Variants in COL19A1 observed in about 807,000 individuals in gnomAD.
COL19A1 encodes the protein collagen type XIX alpha 1 chain.
COL19A1 carries 159 observed loss-of-function variants against 190.2 expected under a neutral mutation model. The ratio of observed to expected loss-of-function variants is 0.84; its 90% CI spans 0.73 to 0.95. The LOEUF is 0.95. Ranked by LOEUF, COL19A1 falls within the 40% of genes least tolerant of loss-of-function variation. The probability of loss-of-function intolerance (pLI) is 0.00; values close to 1 mark genes in which losing one functional copy is unlikely to be tolerated. For missense variants in COL19A1, 1,418 were observed against 1,431.9 expected (o/e 0.99, Z 0.16); for synonymous variants, 509 against 458.9 (o/e 1.11, Z -1.39).
intron 16 of COL19A1, among the ~76,000 whole-genome samples, chr6:70,111,387 G>T (rs546171357): frequency 6.6e-6 from 1 of 152,248 alleles, no homozygotes; most frequent in African/African-American, 2.4e-5. Flanking sequence ...CAGAAAATAA[G>T]ATTTGAAGGG....
At chr6:70,151,471 A>G in intron 31 of COL19A1, 33 bp downstream of exon 31, 1 of 1,600,524 alleles carries the variant, frequency 6.2e-7, no homozygotes, top group Non-Finnish European at 8.5e-7. Context: ...ATTATGTGTT[A>G]ATTTCCAGGA....
At chr6:70,065,529 A>G (rs1781127392) in intron 14 of COL19A1, among the ~76,000 whole-genome samples, 1 of 152,214 alleles carries the variant, frequency 6.6e-6, no homozygotes. Flanking sequence ...AGGCAATACC[A>G]TTCAGGATAT....
intron 11 of COL19A1, among the ~76,000 whole-genome samples, chr6:69,965,448 A>C (rs1480594385): frequency 6.6e-6 from 1 of 152,236 alleles, no homozygotes; most frequent in Non-Finnish European, 1.5e-5. Flanking sequence ...ACTAGCTTTC[A>C]GGCCAACCGA....
At chr6:69,917,566 A>G (rs539142317) in intron 4 of COL19A1, among the ~76,000 whole-genome samples, 78 of 152,302 alleles carry the variant, frequency 5.1e-4, no homozygotes, top group African/African-American at 1.8e-3. Context: ...AAATATGTAA[A>G]CCAATAATTC....
chr6:70,073,964 G>A (rs1781705937), intron 15 of COL19A1, among the ~76,000 whole-genome samples: 1 of 152,014 alleles, frequency 6.6e-6, no homozygotes, highest in Admixed American at 6.6e-5. Context: ...TAAGTACTGG[G>A]GTATATTGAT....
intron 41 of COL19A1, among the ~76,000 whole-genome samples, chr6:70,174,872 A>C (rs1765712918): frequency 6.6e-6 from 1 of 152,224 alleles, no homozygotes; most frequent in African/African-American, 2.4e-5. Flanking sequence ...AGAGTGAATT[A>C]GAATGATGTG....
At chr6:70,126,213 A>G (rs775295657) in intron 17 of COL19A1, among the ~76,000 whole-genome samples, 1 of 152,100 alleles carries the variant, frequency 6.6e-6, no homozygotes, top group Non-Finnish European at 1.5e-5. Flanking sequence ...ATATTAAATC[A>G]TAACTTCACT....
intron 18 of COL19A1, among the ~76,000 whole-genome samples, chr6:70,134,465 G>T (rs754063337): frequency 6.6e-6 from 1 of 152,106 alleles, no homozygotes; most frequent in Non-Finnish European, 1.5e-5. Context: ...GCTTCAAAAG[G>T]CACATTGAAT....
At chr6:70,162,555 C>T (rs1413299086) in intron 35 of COL19A1, among the ~76,000 whole-genome samples, 1 of 152,110 alleles carries the variant, frequency 6.6e-6, no homozygotes, top group Non-Finnish European at 1.5e-5. Context: ...ATAGTGCATG[C>T]AGTTAAATTT....
chr6:70,096,564 C>A (rs1178248531), intron 15 of COL19A1, among the ~76,000 whole-genome samples: 1 of 152,084 alleles, frequency 6.6e-6, no homozygotes, highest in Non-Finnish European at 1.5e-5. Context: ...AATCTTAGCA[C>A]AAAAGGATTC....
At chr6:69,949,612 T>C (rs1354303888) in intron 9 of COL19A1, among the ~76,000 whole-genome samples, 1 of 151,894 alleles carries the variant, frequency 6.6e-6, no homozygotes, top group Non-Finnish European at 1.5e-5. Flanking sequence ...AAAAATGGTT[T>C]GTTAGATTTT....
intron 4 of COL19A1, among the ~76,000 whole-genome samples, chr6:69,922,397 G>A (rs905597921): frequency 2.7e-5 from 4 of 149,576 alleles, no homozygotes; most frequent in African/African-American, 9.8e-5. Flanking sequence ...TTTTGTCACA[G>A]CAGAAACTAC....
intron 11 of COL19A1, among the ~76,000 whole-genome samples, chr6:69,999,313 T>G (rs1777107058): frequency 1.3e-5 from 2 of 151,992 alleles, no homozygotes; most frequent in South Asian, 4.1e-4. Flanking sequence ...AGGAGGCCAC[T>G]TGAACCCAGG....
intron 9 of COL19A1, among the ~76,000 whole-genome samples, chr6:69,946,353 G>T (rs1274679764): frequency 6.6e-6 from 1 of 151,858 alleles, no homozygotes; most frequent in Non-Finnish European, 1.5e-5. Context: ...TTGTGGTATG[G>T]CTACAGAATG....
At chr6:70,136,208 T>C (rs1219458872) in intron 18 of COL19A1, among the ~76,000 whole-genome samples, 1 of 152,168 alleles carries the variant, frequency 6.6e-6, no homozygotes, top group Non-Finnish European at 1.5e-5. Flanking sequence ...AGACATGGAT[T>C]AGGATATACA....
intron 14 of COL19A1, among the ~76,000 whole-genome samples, chr6:70,053,232 C>T (rs1255942611): frequency 6.6e-6 from 1 of 152,154 alleles, no homozygotes; most frequent in Non-Finnish European, 1.5e-5. Context: ...TAATGAATCT[C>T]AAATTATCTT....
chr6:70,144,819 T>A (rs1188770435), intron 24 of COL19A1, 99 bp from the exon 25 acceptor site: 2 of 738,072 alleles, frequency 2.7e-6, no homozygotes, highest in Admixed American at 5.5e-5. Flanking sequence ...GAAGTTTGAC[T>A]GGCTATGATG....
intron 9 of COL19A1, among the ~76,000 whole-genome samples, chr6:69,958,712 A>T (rs2066246): frequency 6.6e-6 from 1 of 152,114 alleles, no homozygotes; most frequent in Admixed American, 6.6e-5. Flanking sequence ...TCTAAGAAAA[A>T]CCTCAATCTT....
chr6:70,050,172 T>C (rs901780413), intron 14 of COL19A1, among the ~76,000 whole-genome samples: 22 of 152,094 alleles, frequency 1.4e-4, no homozygotes, highest in African/African-American at 4.8e-4. Flanking sequence ...AGTTAATATA[T>C]GTAAAGATTT....
Sources: gnomAD v4.1 joint callset for allele counts (sites outside exome capture counted in the v4.1 genomes callset) on GRCh38, gnomAD v4.1.1 for gene constraint, MANE v1.5 for transcripts, NCBI Gene and HGNC (gene_info 2026-07-23, HGNC 2026-07-21) for gene names.